Variants in SMNDC1 observed in about 807,000 individuals in gnomAD.
The protein encoded by SMNDC1 is survival of motor neuron-related-splicing factor 30.
In SMNDC1, 5 loss-of-function variants were observed where a neutral mutation model predicts 29.2. That is an observed-to-expected ratio of 0.17 (90% confidence interval 0.09 to 0.36). The LOEUF (loss-of-function observed/expected upper bound fraction) is 0.36, where lower values mean the gene tolerates loss of function less well. SMNDC1 is among the 10% of genes least tolerant of loss of function. The probability of loss-of-function intolerance (pLI) is 1.00; values close to 1 mark genes in which losing one functional copy is unlikely to be tolerated. For synonymous variants in SMNDC1, 80 were observed against 89.9 expected (o/e 0.89, Z 0.62); for missense variants, 142 against 268.5 (o/e 0.53, Z 3.29).
chr10:110,298,572 A>G (rs1165044528), intron 3 of SMNDC1, 76 bp downstream of exon 3: 1 of 1,294,634 alleles, frequency 7.7e-7, no homozygotes, highest in Non-Finnish European at 1.1e-6. Context: ...TAGGGTAGTT[A>G]AAACTGAATA....
At chr10:110,300,646 G>A in intron 2 of SMNDC1, 14 of 985,350 alleles carry the variant, frequency 1.4e-5, no homozygotes, top group Non-Finnish European at 1.7e-5. Context: ...GGAAGCATCA[G>A]GTGTTGTGAT....
intron 1 of SMNDC1, 90 bp downstream of exon 1, chr10:110,304,658 G>A (rs146824178): frequency 0.019 from 2,948 of 152,386 alleles, 49 homozygotes; most frequent in African/African-American, 0.033. Context: ...TCTCCGGCGA[G>A]GCGGGCTCCT....
chr10:110,298,588 T>C, intron 3 of SMNDC1, 60 bp downstream of exon 3: 1 of 1,430,846 alleles, frequency 7.0e-7, no homozygotes, highest in Non-Finnish European at 9.6e-7. Context: ...GAATAAAAAC[T>C]TCTTACCATT....
intron 4 of SMNDC1, 52 bp downstream of exon 4, chr10:110,297,515 G>A: frequency 6.5e-7 from 1 of 1,542,788 alleles, no homozygotes; most frequent in Non-Finnish European, 8.9e-7. Flanking sequence ...ACTACTTCAA[G>A]TATCCAAATG....
intron 2 of SMNDC1, among the ~76,000 whole-genome samples, chr10:110,299,449 A>T (rs573369308): frequency 3.1e-4 from 47 of 152,332 alleles, no homozygotes; most frequent in African/African-American, 1.1e-3. Flanking sequence ...AAAAAAAGGT[A>T]ACACACAAAG....
chr10:110,302,091 C>G (rs557507042), intron 2 of SMNDC1, among the ~76,000 whole-genome samples: 2 of 152,160 alleles, frequency 1.3e-5, no homozygotes, highest in Admixed American at 1.3e-4. Context: ...TAAAGGTAGT[C>G]AAGGCATCTC....
Position 110,293,891 on chromosome 10 carries a change from A to G in SMNDC1, c.*259T>C. The stretch of plus-strand genomic sequence containing the variant: ...TATTAGGAAGATCAATAATTCATCT[A>G]AGTGCTGTATGAAACAGCATCTACA... On this transcript the variant is annotated 3_prime_UTR_variant, in exon 6 of 6. Transcript: ENST00000369603. 1 of 266,388 alleles carries G rather than the reference A, an allele frequency of 3.8e-6. No individual in the cohort carries two copies. The highest frequency in any genetic ancestry group is 7.1e-6 in the Non-Finnish European group (1 of 141,816). The allele number at this position is 266,388 out of a possible 1,614,324, so 16.5% of individuals were successfully genotyped here. A position where few individuals can be genotyped will look rare whatever the true frequency, so the allele number is the denominator to read the frequency against.
intron 2 of SMNDC1, among the ~76,000 whole-genome samples, 196 bp downstream of exon 2, chr10:110,303,270 AAG>A (rs765981519): frequency 2.6e-5 from 4 of 152,216 alleles, no homozygotes; most frequent in Non-Finnish European, 5.9e-5. Context: ...TTATATAACA[AAG>A]AACAATATTT....
At chr10:110,302,576 G>A (rs567455586) in intron 2 of SMNDC1, among the ~76,000 whole-genome samples, 1 of 152,236 alleles carries the variant, frequency 6.6e-6, no homozygotes, top group East Asian at 1.9e-4. Context: ...TAAAGGGAGG[G>A]AATGAATTTT....
Position 110,303,489 on chromosome 10 carries a change from T to C in SMNDC1, c.99A>G (p.Leu33=), listed in dbSNP as rs1426433782. 1 of 1,587,806 alleles carries C rather than the reference T, an allele frequency of 6.3e-7. No homozygotes were observed. The highest frequency in any genetic ancestry group is 1.9e-5 in the Admixed American group (1 of 52,842). Residue 33 remains leucine, a synonymous_variant, in exon 2 of 6, where the codon CTA becomes CTG. Transcript: ENST00000369603. Reference sequence around the variant, plus strand: ...TTACTTGTAAATCTTTCTTCAATTTTAGCAAATCTTCATTTTCTCCATTTC... The same window carrying C: ...TTACTTGTAAATCTTTCTTCAATTTCAGCAAATCTTCATTTTCTCCATTTC... ...LSGNGENEDL[L]KLKKDLQEVI... is the part of the protein sequence containing the mutation.
intron 4 of SMNDC1, among the ~76,000 whole-genome samples, chr10:110,296,796 C>T (rs1385147533): frequency 2.0e-5 from 3 of 152,132 alleles, no homozygotes; most frequent in African/African-American, 4.8e-5. Flanking sequence ...GACCACCCAC[C>T]TTCCAGGCCC....
In SMNDC1 at chr10:110,298,707, T is replaced by C. The variant is rs758994925; in HGVS notation, c.204A>G (p.Gln68=). ...LASSDSFAST[Q]PTHSWKVGDK... ...CTCCTACTTTCCATGAATGAGTAGG[T>C]TGAGTAGAAGCAAAACTGTCTGAAC... The change falls in exon 3 of 6, where the codon CAA becomes CAG. Residue 68 remains glutamine (Q), a synonymous_variant. Coordinates refer to ENST00000369603, the MANE Select transcript of SMNDC1 (RefSeq NM_005871.4). The C allele has an allele frequency of 2.4e-5, 38 of 1,613,464 alleles. No homozygotes were observed. The highest frequency in any genetic ancestry group is 5.0e-5 in the Admixed American group (3 of 59,974).
At chr10:110,301,490 G>C (rs4918492) in intron 2 of SMNDC1, among the ~76,000 whole-genome samples, 66,491 of 152,134 alleles carry the variant, frequency 0.44, 17,627 homozygotes, top group East Asian at 0.84. Context: ...AGACTGGTCA[G>C]GAAAAACATT....
At chr10:110,295,708 C>T (rs1213497958) in intron 4 of SMNDC1, among the ~76,000 whole-genome samples, 1 of 149,864 alleles carries the variant, frequency 6.7e-6, no homozygotes, top group East Asian at 2.0e-4. Flanking sequence ...GTGGCACAAT[C>T]TTGGCTCACA....
intron 4 of SMNDC1, among the ~76,000 whole-genome samples, chr10:110,296,404 T>C (rs1226758899): frequency 6.6e-6 from 1 of 152,204 alleles, no homozygotes; most frequent in African/African-American, 2.4e-5. Context: ...TATATATACA[T>C]TGTTCTAGAA....
chr10:110,295,167 A>C, intron 5 of SMNDC1, 61 bp downstream of exon 5: 1 of 1,446,952 alleles, frequency 6.9e-7, no homozygotes, highest in East Asian at 2.4e-5. Flanking sequence ...TTTTCATTTT[A>C]AAGTTATTTT....
intron 4 of SMNDC1, 121 bp downstream of exon 4, chr10:110,297,446 T>A: frequency 1.1e-6 from 1 of 879,056 alleles, no homozygotes. Flanking sequence ...TTGTTGCTAA[T>A]CTTCAAAACA....
At chr10:110,296,281 CA>C (rs1857561357) in intron 4 of SMNDC1, among the ~76,000 whole-genome samples, 1 of 151,968 alleles carries the variant, frequency 6.6e-6, no homozygotes. Flanking sequence ...GACTTCTCAC[CA>C]AAAGGATGAA....
intron 1 of SMNDC1, chr10:110,303,927 C>T (rs1192994111): frequency 4.8e-6 from 1 of 208,416 alleles, no homozygotes; most frequent in Non-Finnish European, 9.5e-6. Flanking sequence ...AAGCACTACT[C>T]TGTTGGAAAA....
Sources: gnomAD v4.1 joint callset for allele counts (sites outside exome capture counted in the v4.1 genomes callset) on GRCh38, gnomAD v4.1.1 for gene constraint, MANE v1.5 for transcripts, NCBI Gene and HGNC (gene_info 2026-07-23, HGNC 2026-07-21) for gene names.